The following TSPAN7 variants were observed in gnomAD, a reference collection of about 807,000 sequenced individuals.
The protein encoded by TSPAN7 is tetraspanin 7, also known as tetraspanin-7.
TSPAN7 carries 1 observed loss-of-function variant against 17.6 expected under a neutral mutation model. That is an observed-to-expected ratio of 0.06 (90% CI 0.02 to 0.27). The LOEUF is 0.27. Among genes scored for constraint, TSPAN7 ranks in the 10% least tolerant of loss-of-function variants. The pLI is 1.00. For missense variants in TSPAN7, 112 were observed against 201.7 expected, an observed-to-expected ratio of 0.56 and a Z score of 2.69; for synonymous variants, 78 against 79.0, an observed-to-expected ratio of 0.99 and a Z score of 0.07.
intron 1 of TSPAN7, among the ~76,000 whole-genome samples, chrX:38,662,477 G>A (rs1251697493): frequency 9.0e-6 from 1 of 111,638 alleles, no homozygotes; most frequent in Non-Finnish European, 1.9e-5. Flanking sequence ...ACCCTCAAGA[G>A]GTTGTGCTCC....
intron 1 of TSPAN7, among the ~76,000 whole-genome samples, chrX:38,584,509 T>C (rs912340647): frequency 8.9e-6 from 1 of 111,753 alleles, no homozygotes; most frequent in African/African-American, 3.3e-5. Context: ...TCATTTCTCT[T>C]ATCCAAATTG....
At chrX:38,580,437 G>C (rs1039668869) in intron 1 of TSPAN7, among the ~76,000 whole-genome samples, 1 of 112,247 alleles carries the variant, frequency 8.9e-6, no homozygotes, top group Non-Finnish European at 1.9e-5. Context: ...TGGTTTTGGA[G>C]AGAGAAGATA....
intron 1 of TSPAN7, among the ~76,000 whole-genome samples, chrX:38,626,498 G>A (rs1408843037): frequency 8.9e-6 from 1 of 111,816 alleles, no homozygotes; most frequent in Non-Finnish European, 1.9e-5. Context: ...GCAGTGATCC[G>A]GAAGTTGCAC....
intron 1 of TSPAN7, among the ~76,000 whole-genome samples, chrX:38,577,540 C>A (rs1206842604): frequency 5.6e-5 from 6 of 107,607 alleles, no homozygotes; most frequent in Non-Finnish European, 1.2e-4. Context: ...TGGAAACCAT[C>A]ATTCTCAGCA....
chrX:38,574,286 G>T (rs775016336), intron 1 of TSPAN7, among the ~76,000 whole-genome samples: 2 of 112,060 alleles, frequency 1.8e-5, no homozygotes, highest in South Asian at 7.4e-4. Context: ...ATTGGAGAAA[G>T]AGATAAAATT....
intron 1 of TSPAN7, among the ~76,000 whole-genome samples, chrX:38,577,089 A>G (rs1411347402): frequency 8.9e-6 from 1 of 111,851 alleles, no homozygotes; most frequent in Non-Finnish European, 1.9e-5. Context: ...TGTGGCAAGA[A>G]TATTTGTGAG....
In TSPAN7 at chrX:38,588,981, T is replaced by C. The variant is rs2069274985; in HGVS notation, c.81+27354T>C. Among the ~76,000 whole-genome samples, 5 of 112,266 alleles carry C rather than the reference T, an allele frequency of 4.5e-5. No homozygotes were observed. The South Asian group carries it at 1.5e-3, about 33-fold the overall frequency. On this transcript the variant is annotated intron_variant, in intron 1 of 7. Coordinates refer to ENST00000378482, the MANE Select transcript of TSPAN7 (RefSeq NM_004615.4). ...CTCTACTCTTCTTCACTGCGTACTC[T>C]TCTACTGTTTACTTTCAGCATGCTT...
intron 1 of TSPAN7, among the ~76,000 whole-genome samples, chrX:38,629,637 A>G (rs866572751): frequency 9.0e-6 from 1 of 111,484 alleles, no homozygotes; most frequent in Non-Finnish European, 1.9e-5. Flanking sequence ...CTTAGGACCA[A>G]ATATCTAAGA....
chrX:38,617,303 C>A (rs1051620648), intron 1 of TSPAN7, among the ~76,000 whole-genome samples: 2 of 112,432 alleles, frequency 1.8e-5, no homozygotes, highest in African/African-American at 6.5e-5. Context: ...TTCATTTTAC[C>A]CACATGAGGG....
At chrX:38,576,154 CA>C (rs1331886924) in intron 1 of TSPAN7, among the ~76,000 whole-genome samples, 1 of 112,086 alleles carries the variant, frequency 8.9e-6, no homozygotes, top group African/African-American at 3.2e-5. Flanking sequence ...ACTTTATTTG[CA>C]GCCAGATTTG....
intron 1 of TSPAN7, among the ~76,000 whole-genome samples, chrX:38,651,309 C>T (rs1008024875): frequency 2.7e-5 from 3 of 110,240 alleles, no homozygotes; most frequent in Non-Finnish European, 3.8e-5. Flanking sequence ...ACTAAAAATA[C>T]AAAAAATTAG....
intron 1 of TSPAN7, among the ~76,000 whole-genome samples, chrX:38,621,474 T>A (rs1398393630): frequency 8.9e-6 from 1 of 111,804 alleles, no homozygotes; most frequent in African/African-American, 3.3e-5. Context: ...ATAAAATAAC[T>A]AAAACCAACA....
At position 38,672,360 on chromosome X, in the gene TSPAN7, C is replaced by T. The variant is rs192183351; in HGVS notation, c.345+910C>T. On this transcript the variant is annotated intron_variant, in intron 3 of 7. Transcript: ENST00000378482. ...TTTTTCATTAACCCATCTTGCTGCACACTTAAAGATCCCACTATTGTGCTT... is the reference window on the plus strand; with the variant it reads ...TTTTTCATTAACCCATCTTGCTGCATACTTAAAGATCCCACTATTGTGCTT... 1.5e-3 allele frequency among the ~76,000 whole-genome samples: 166 copies of T among 109,254 alleles called. 1 individual carries two copies. Among genetic ancestry groups the T allele is most frequent in the Middle Eastern group, 4.7e-3 (1 of 215 alleles). The allele number at this position is 109,254 out of a possible 115,157, so 94.9% of individuals were successfully genotyped here. A position where few individuals can be genotyped will look rare whatever the true frequency, so the allele number is the denominator to read the frequency against.
At chrX:38,649,491 A>G (rs1369243622) in intron 1 of TSPAN7, among the ~76,000 whole-genome samples, 1 of 111,921 alleles carries the variant, frequency 8.9e-6, no homozygotes, top group African/African-American at 3.2e-5. Flanking sequence ...GTGGTCAAGG[A>G]CCTAAGCCAC....
intron 1 of TSPAN7, among the ~76,000 whole-genome samples, chrX:38,645,509 C>T (rs755722126): frequency 1.8e-5 from 2 of 110,660 alleles, no homozygotes; most frequent in Admixed American, 9.6e-5. Context: ...GCAAGACTCC[C>T]GTCTCCAAAT....
chrX:38,573,365 A>G (rs1338886833), intron 1 of TSPAN7, among the ~76,000 whole-genome samples: 2 of 111,741 alleles, frequency 1.8e-5, no homozygotes, highest in African/African-American at 6.5e-5. Context: ...CCTATTTAGG[A>G]TGAATAAATA....
At chrX:38,661,937 T>C (rs190439501) in intron 1 of TSPAN7, among the ~76,000 whole-genome samples, 1 of 111,520 alleles carries the variant, frequency 9.0e-6, no homozygotes, top group Admixed American at 9.5e-5. Context: ...TGTGTGTTGA[T>C]GAGAGCCAAG....
At chrX:38,570,333 C>T (rs142261502) in intron 1 of TSPAN7, among the ~76,000 whole-genome samples, 1,215 of 111,680 alleles carry the variant, frequency 0.011, 18 homozygotes, top group African/African-American at 0.038. Flanking sequence ...ATTTACTATA[C>T]GCAATATACA....
intron 1 of TSPAN7, among the ~76,000 whole-genome samples, chrX:38,615,415 T>C (rs1013332081): frequency 1.8e-5 from 2 of 112,110 alleles, no homozygotes; most frequent in Non-Finnish European, 3.8e-5. Context: ...TCCATTTTCA[T>C]ACAGTGTGTC....
Sources: allele counts gnomAD v4.1 joint callset (sites outside exome capture counted in the v4.1 genomes callset), GRCh38; gene constraint gnomAD v4.1.1; transcripts MANE v1.5; gene names NCBI Gene and HGNC (gene_info 2026-07-23, HGNC 2026-07-21).